Variants in KNG1 observed in about 807,000 individuals in gnomAD.
The protein encoded by KNG1 is kininogen-1.
In KNG1, 23 loss-of-function variants were observed where a neutral mutation model predicts 47.8. That is an observed-to-expected ratio of 0.48 (90% CI 0.35 to 0.68). KNG1 has a LOEUF of 0.68. KNG1 is among the 30% of genes least tolerant of loss of function. KNG1 has a pLI of 0.01. For synonymous variants in KNG1, 277 were observed against 277.0 expected (o/e 1.00, Z 0.00); for missense variants, 762 against 790.2 (o/e 0.96, Z 0.43).
In KNG1 at chr3:186,726,192, G is replaced by A. The variant is rs553972691; in HGVS notation, c.564+932G>A. Among the ~76,000 whole-genome samples the A allele has an allele frequency of 4.6e-5, 7 of 150,750 alleles. No homozygotes were observed. In the East Asian group the frequency reaches 7.8e-4, roughly 17 times the overall value. ...CAAGTCATCCTCCCACCTCGGCCTCGCAAAGTGCTGGGATTACAGGCCTGA... is the reference window on the plus strand; with the variant it reads ...CAAGTCATCCTCCCACCTCGGCCTCACAAAGTGCTGGGATTACAGGCCTGA... On this transcript the variant is annotated intron_variant, in intron 4 of 9. Transcript: ENST00000644859.
chr3:186,731,436 G>T, intron 5 of KNG1, 109 bp from the exon 6 acceptor site: 5 of 698,942 alleles, frequency 7.2e-6, no homozygotes, highest in South Asian at 3.1e-5. Context: ...TTTTTTCTAT[G>T]CAATGATTTG....
Position 186,742,325 on chromosome 3 carries a change from T to G in KNG1, c.1929T>G (p.Leu643=). 6.2e-7 allele frequency: 1 copy of G among 1,613,950 alleles called. No homozygotes were observed. The change falls in exon 10 of 10, where the codon CTT becomes CTG. Residue 643 remains leucine (L), a synonymous_variant. Transcript: ENST00000644859. ...ESYYFDLTDG[L]S ...ATTATTTCGATCTCACTGATGGCCTTTCTTAATTTAAGTGGCTATGGGTAT... is the reference window on the plus strand; with the variant it reads ...ATTATTTCGATCTCACTGATGGCCTGTCTTAATTTAAGTGGCTATGGGTAT...
intron 5 of KNG1, among the ~76,000 whole-genome samples, chr3:186,727,875 A>G (rs888668847): frequency 2.6e-5 from 4 of 152,182 alleles, no homozygotes; most frequent in African/African-American, 9.7e-5. Flanking sequence ...CCTGGCCAGC[A>G]ATAAGTATTT....
chr3:186,723,093 A>T (rs999877802), intron 3 of KNG1, among the ~76,000 whole-genome samples: 9 of 151,526 alleles, frequency 5.9e-5, no homozygotes, highest in African/African-American at 2.2e-4. Flanking sequence ...CATGACTCAA[A>T]GCACCTTACA....
At chr3:186,729,678 C>CTT (rs33934143) in intron 5 of KNG1, among the ~76,000 whole-genome samples, 25,335 of 148,716 alleles carry the variant, frequency 0.17, 2,403 homozygotes, top group African/African-American at 0.25. Context: ...GTAGGCTTTT[C>CTT]TTTTTTTTTT....
At chr3:186,730,560 G>A (rs1367541935) in intron 5 of KNG1, among the ~76,000 whole-genome samples, 2 of 149,364 alleles carry the variant, frequency 1.3e-5, no homozygotes, top group African/African-American at 4.9e-5. Flanking sequence ...GGAGGCTGAG[G>A]CAGGAGAATC....
intron 4 of KNG1, among the ~76,000 whole-genome samples, chr3:186,725,710 A>AT (rs34640484): frequency 0.017 from 2,492 of 149,018 alleles, 77 homozygotes; most frequent in African/African-American, 0.059. Context: ...ACACTGGCTA[A>AT]TTTTTTTTAT....
At position 186,732,489 on chromosome 3, in the gene KNG1, C is replaced by A; in HGVS notation, c.758-13C>A. The A allele has an allele frequency of 6.2e-7, 1 of 1,613,666 alleles. No homozygotes were observed. The highest frequency in any genetic ancestry group is 1.1e-5 in the South Asian group (1 of 91,070). ...TTCAGTGTACATGTTGACTTAAAACCTGATCCTTTCAGGGAAGGATTTTGT... is the reference window on the plus strand; with the variant it reads ...TTCAGTGTACATGTTGACTTAAAACATGATCCTTTCAGGGAAGGATTTTGT... On this transcript the variant is annotated splice_polypyrimidine_tract_variant and intron_variant, in intron 6 of 9. Transcript: ENST00000644859.
chr3:186,717,802 TCACACA>T, intron 1 of KNG1, 65 bp downstream of exon 1: 3 of 1,055,858 alleles, frequency 2.8e-6, no homozygotes, highest in Non-Finnish European at 4.3e-6. Context: ...AGTCCAGGCC[TCACACA>T]CACACACACA....
intron 6 of KNG1, 115 bp from the exon 7 acceptor site, chr3:186,732,387 G>T (rs1720557983): frequency 1.1e-6 from 1 of 931,430 alleles, no homozygotes; most frequent in Non-Finnish European, 1.8e-6. Flanking sequence ...TCACTACTGG[G>T]CCTGGGCTCC....
chr3:186,736,960 G>A (rs912664848), intron 7 of KNG1: 11 of 152,146 alleles, frequency 7.2e-5, no homozygotes. Flanking sequence ...GCTGAGGCAG[G>A]AGAATCACTT....
rs765559746 is a variant in KNG1, at chr3:186,742,623, G to T, written c.*292G>T. 3.2e-6 allele frequency: 4 copies of T among 1,232,382 alleles called. No homozygotes were observed. The East Asian group carries it at 1.2e-4, about 38-fold the overall frequency. The allele number at this position is 1,232,382 out of a possible 1,614,324, so 76.3% of individuals were successfully genotyped here. On this transcript the variant is annotated 3_prime_UTR_variant, in exon 10 of 10. Transcript: ENST00000644859. The stretch of plus-strand genomic sequence containing the variant: ...ATGGCCTGCTGCAATTGGCTTCTCT[G>T]ATAACAAATATGTACCTTACAACAT...
chr3:186,720,526 A>AAT, intron 2 of KNG1: 2 of 272,646 alleles, frequency 7.3e-6, no homozygotes, highest in Non-Finnish European at 1.4e-5. Flanking sequence ...AGAGCTGGCG[A>AAT]GGGGAGGGGG....
At chr3:186,734,715 T>G (rs822620) in intron 7 of KNG1, 121,717 of 151,856 alleles carry the variant, frequency 0.8, 49,148 homozygotes, top group African/African-American at 0.91. Flanking sequence ...GTGCACACCT[T>G]CAATCCCAGC....
At chr3:186,732,466 CA>C in intron 6 of KNG1, 35 bp from the exon 7 acceptor site, 1 of 1,604,838 alleles carries the variant, frequency 6.2e-7, no homozygotes, top group Non-Finnish European at 8.5e-7. Context: ...GCTGCTACTT[CA>C]GTGTACATGT....
intron 3 of KNG1, among the ~76,000 whole-genome samples, chr3:186,724,034 A>G (rs1656915): frequency 0.73 from 110,724 of 152,126 alleles, 40,370 homozygotes; most frequent in Middle Eastern, 0.83. Flanking sequence ...ATACTGCTGC[A>G]ACAAACCTGG....
At chr3:186,719,216 A>C (rs1263982541) in intron 1 of KNG1, among the ~76,000 whole-genome samples, 2 of 152,172 alleles carry the variant, frequency 1.3e-5, no homozygotes, top group African/African-American at 4.8e-5. Context: ...AAAAACATTA[A>C]ATTGTATGCC....
rs2108639989 is a variant in KNG1, at chr3:186,743,761, A to C, written c.*1430A>C. 4 of 1,614,150 alleles carry C rather than the reference A, an allele frequency of 2.5e-6. No individual in the cohort carries two copies. The highest frequency in any genetic ancestry group is 8.5e-7 in the Non-Finnish European group (1 of 1,179,976). ...GACCCCCAAAGGCAGGGGCAGAGCC[A>C]GCATCTGAGAGGGAGGTCTCTTGAC... On this transcript the variant is annotated 3_prime_UTR_variant, in exon 10 of 10. Coordinates refer to ENST00000644859, the MANE Select transcript of KNG1 (RefSeq NM_001102416.3).
At position 186,739,207 on chromosome 3, in the gene KNG1, G is replaced by A. The variant is rs377594184; in HGVS notation, c.1038+1G>A. ...AAGCTGTGAGACCAAAAAACTTGGC[G>A]TGAGTAGTCATGCACCTGTCTACTT... On this transcript the variant is annotated splice_donor_variant, in intron 8 of 9. Transcript: ENST00000644859. LOFTEE classifies it high-confidence loss of function. 9.3e-6 allele frequency: 15 copies of A among 1,610,992 alleles called. No individual in the cohort carries two copies. In the African/African-American group the frequency reaches 1.2e-4, roughly 13 times the overall value.
Sources: allele counts gnomAD v4.1 joint callset (sites outside exome capture counted in the v4.1 genomes callset), GRCh38; gene constraint gnomAD v4.1.1; transcripts MANE v1.5; gene names NCBI Gene and HGNC (gene_info 2026-07-23, HGNC 2026-07-21).